The following EML6 variants were observed in gnomAD, a reference collection of about 807,000 sequenced individuals.
EML6 encodes the protein echinoderm microtubule-associated protein-like 6.
A neutral mutation model predicts 240.1 loss-of-function variants in EML6; 154 were observed. The observed-to-expected ratio is 0.64, with a 90% confidence interval of 0.56 to 0.73. The LOEUF (loss-of-function observed/expected upper bound fraction) is 0.73. Ranked by LOEUF, EML6 falls within the 30% of genes least tolerant of loss-of-function variation. The probability of loss-of-function intolerance (pLI) is 0.00; values close to 1 mark genes in which losing one functional copy is unlikely to be tolerated. For synonymous variants in EML6, 1,148 were observed against 899.0 expected (o/e 1.28, Z -4.95); for missense variants, 2,964 against 2,474.6 (o/e 1.20, Z -4.20).
intron 12 of EML6, among the ~76,000 whole-genome samples, chr2:54,863,507 C>G (rs1670793855): frequency 6.6e-6 from 1 of 151,910 alleles, no homozygotes; most frequent in Admixed American, 6.6e-5. Context: ...GGAGACAGAC[C>G]CTGTCTCAAA....
At chr2:54,752,057 AGGG>A (rs1040232391) in intron 2 of EML6, among the ~76,000 whole-genome samples, 3 of 152,172 alleles carry the variant, frequency 2.0e-5, no homozygotes. Flanking sequence ...AGTGCACTTT[AGGG>A]CATCATTTTC....
At chr2:54,771,184 G>A (rs1055274123) in intron 2 of EML6, among the ~76,000 whole-genome samples, 5 of 152,168 alleles carry the variant, frequency 3.3e-5, no homozygotes, top group Non-Finnish European at 7.3e-5. Flanking sequence ...CATTTTTGGA[G>A]TTATAATTAC....
chr2:54,899,957 G>A (rs1672969240), intron 22 of EML6, among the ~76,000 whole-genome samples, 175 bp downstream of exon 22: 1 of 152,150 alleles, frequency 6.6e-6, no homozygotes, highest in African/African-American at 2.4e-5. Flanking sequence ...GTAGAATTAT[G>A]CCAGAAGGCT....
chr2:54,864,262 C>T (rs1670844353), intron 13 of EML6, among the ~76,000 whole-genome samples: 1 of 152,268 alleles, frequency 6.6e-6, no homozygotes, highest in East Asian at 1.9e-4. Flanking sequence ...AGGATGGATA[C>T]CCTTGAGGCA....
chr2:54,963,835 A>T (rs1017961417), intron 36 of EML6, 151 bp from the exon 37 acceptor site: 5 of 672,696 alleles, frequency 7.4e-6, no homozygotes, highest in South Asian at 4.1e-5. Context: ...CTGCTCAGTT[A>T]TTCAGGGACA....
At chr2:54,951,502 G>A (rs1454129777) in intron 30 of EML6, among the ~76,000 whole-genome samples, 8 of 151,378 alleles carry the variant, frequency 5.3e-5, no homozygotes, top group Admixed American at 6.6e-5. Flanking sequence ...CCAAGATCGC[G>A]CCATTGCACT....
At chr2:54,797,840 A>G (rs1669904591) in intron 2 of EML6, among the ~76,000 whole-genome samples, 2 of 152,166 alleles carry the variant, frequency 1.3e-5, no homozygotes, top group South Asian at 4.1e-4. Context: ...CTTCAGTGTC[A>G]TTGATAGATT....
At chr2:54,934,654 A>G (rs746529138) in intron 28 of EML6, among the ~76,000 whole-genome samples, 2 of 151,896 alleles carry the variant, frequency 1.3e-5, no homozygotes, top group East Asian at 1.9e-4. Context: ...GGCTCAAGCA[A>G]TTCTCCCACT....
intron 2 of EML6, among the ~76,000 whole-genome samples, chr2:54,784,756 G>A (rs1669003325): frequency 6.6e-6 from 1 of 152,076 alleles, no homozygotes; most frequent in Non-Finnish European, 1.5e-5. Flanking sequence ...ATAGGTAAAT[G>A]TGTGCACCTA....
At position 54,970,184 on chromosome 2, in the gene EML6, G is replaced by T; in HGVS notation, c.*89G>T. On this transcript the variant is annotated 3_prime_UTR_variant, in exon 42 of 42. Transcript: ENST00000356458. ...CTGAGGTGCCTCCTTGCCACCAGCCGTTGGGAAATGCCTACCATGCTGCCC... is the reference window on the plus strand; with the variant it reads ...CTGAGGTGCCTCCTTGCCACCAGCCTTTGGGAAATGCCTACCATGCTGCCC... 1 of 1,286,580 alleles carries T rather than the reference G, an allele frequency of 7.8e-7. No individual in the cohort carries two copies. The allele number at this position is 1,286,580 out of a possible 1,614,324, so 79.7% of individuals were successfully genotyped here. A position where few individuals can be genotyped will look rare whatever the true frequency, so the allele number is the denominator to read the frequency against.
At chr2:54,948,348 CCTGT>C (rs1675795395) in intron 28 of EML6, among the ~76,000 whole-genome samples, 1 of 152,070 alleles carries the variant, frequency 6.6e-6, no homozygotes, top group African/African-American at 2.4e-5. Context: ...TTCCTGCCTG[CCTGT>C]CTGAGAAGTG....
At chr2:54,901,046 A>T (rs1415443026) in intron 22 of EML6, among the ~76,000 whole-genome samples, 1 of 152,238 alleles carries the variant, frequency 6.6e-6, no homozygotes, top group East Asian at 1.9e-4. Context: ...AGGTGTCAAA[A>T]CAGTAGTAAC....
intron 28 of EML6, among the ~76,000 whole-genome samples, chr2:54,930,794 C>A (rs1163302174): frequency 6.6e-6 from 1 of 152,040 alleles, no homozygotes; most frequent in Non-Finnish European, 1.5e-5. Flanking sequence ...GAGTGGGGCC[C>A]TGCCAGGTAG....
At chr2:54,784,989 A>G (rs1387849827) in intron 2 of EML6, among the ~76,000 whole-genome samples, 2 of 152,118 alleles carry the variant, frequency 1.3e-5, no homozygotes, top group Non-Finnish European at 2.9e-5. Flanking sequence ...ATCTCAAGCA[A>G]TTCACCATTT....
Position 54,891,105 on chromosome 2 carries a change from C to T in EML6, c.2490C>T (p.Asp830=), listed in dbSNP as rs896504462. ...FVVKCNPHHV[D]KLVTVGIKHI... ...TAAAGTGTAACCCACACCATGTTGA[C>T]AAACTGGTTACAGTTGGGATAAAAC... The change falls in exon 18 of 42, where the codon GAC becomes GAT. Residue 830 remains aspartate (D), a synonymous_variant. Coordinates refer to ENST00000356458, the MANE Select transcript of EML6 (RefSeq NM_001039753.4). The T allele has an allele frequency of 6.0e-6, 9 of 1,510,496 alleles. No individual in the cohort carries two copies. The highest frequency in any genetic ancestry group is 8.1e-6 in the Non-Finnish European group (9 of 1,116,214). 93.6% of individuals were successfully genotyped at this position (1,510,496 alleles called of 1,614,324 possible).
chr2:54,816,880 G>T lies in EML6; in HGVS notation c.451G>T (p.Asp151Tyr). ...TCTGGCGTCAGCCACCGGCCATTCT[G>T]ACAGGGTAAGAACTTGTTGGATCAA... ...KLLASATGHS[D>Y]RIFDISWDPY... Residue 151 changes from aspartate (D) to tyrosine (Y), a missense_variant, in exon 4 of 42, where the codon GAC (aspartate) becomes TAC (tyrosine). Physicochemically the swap from Asp to Tyr is radical, Grantham distance 160. Transcript: ENST00000356458. The T allele has an allele frequency of 6.5e-7, 1 of 1,548,370 alleles. No homozygotes were observed. The highest frequency in any genetic ancestry group is 1.2e-5 in the South Asian group (1 of 83,974).
At chr2:54,785,722 T>C (rs987879780) in intron 2 of EML6, among the ~76,000 whole-genome samples, 2 of 152,324 alleles carry the variant, frequency 1.3e-5, no homozygotes, top group Admixed American at 6.5e-5. Flanking sequence ...AATGATAAAA[T>C]AGACCAGTGT....
intron 28 of EML6, among the ~76,000 whole-genome samples, chr2:54,946,197 C>T (rs1675687137): frequency 6.6e-6 from 1 of 152,192 alleles, no homozygotes; most frequent in South Asian, 2.1e-4. Flanking sequence ...TGTTCCCTGA[C>T]CCTGCCCCCC....
At chr2:54,847,342 A>T in intron 8 of EML6, 144 bp from the exon 9 acceptor site, 2 of 707,842 alleles carry the variant, frequency 2.8e-6, no homozygotes, top group Non-Finnish European at 4.4e-6. Flanking sequence ...ACTCGCTGAC[A>T]GGCCATGATA....
Sources: gnomAD v4.1 joint callset for allele counts (sites outside exome capture counted in the v4.1 genomes callset) on GRCh38, gnomAD v4.1.1 for gene constraint, MANE v1.5 for transcripts, NCBI Gene and HGNC (gene_info 2026-07-23, HGNC 2026-07-21) for gene names.